The following NODAL variants were observed in gnomAD, a reference collection of about 807,000 sequenced individuals.
NODAL encodes the protein nodal homolog.
NODAL carries 12 observed loss-of-function variants against 34.0 expected under a neutral mutation model. The observed-to-expected ratio is 0.35, with a 90% CI of 0.23 to 0.57. NODAL has a LOEUF of 0.57. NODAL is among the 20% of genes least tolerant of loss of function. The probability of loss-of-function intolerance (pLI) is 0.83; values close to 1 mark genes in which losing one functional copy is unlikely to be tolerated. For missense variants in NODAL, 390 were observed against 444.2 expected, an observed-to-expected ratio of 0.88 and a Z score of 1.10; for synonymous variants, 162 against 186.4, an observed-to-expected ratio of 0.87 and a Z score of 1.07.
At chr10:70,439,516 C>T (rs1845400796) in intron 1 of NODAL, among the ~76,000 whole-genome samples, 1 of 152,200 alleles carries the variant, frequency 6.6e-6, no homozygotes, top group Non-Finnish European at 1.5e-5. Context: ...CCTCACTGTT[C>T]CTCTCATCTC....
intron 1 of NODAL, among the ~76,000 whole-genome samples, chr10:70,439,044 G>C (rs1371962155): frequency 6.6e-6 from 1 of 152,000 alleles, no homozygotes; most frequent in Non-Finnish European, 1.5e-5. Flanking sequence ...CTCGCTCTGT[G>C]GCCAGGCTCG....
At chr10:70,441,097 C>T (rs1319309052) in intron 1 of NODAL, among the ~76,000 whole-genome samples, 2 of 152,276 alleles carry the variant, frequency 1.3e-5, no homozygotes, top group African/African-American at 4.8e-5. Context: ...ACCTATCCTA[C>T]AGATGCGCAG....
At chr10:70,444,983 C>T (rs145039563), upstream of NODAL, among the ~76,000 whole-genome samples, 54 of 152,148 alleles carry the variant, frequency 3.5e-4, no homozygotes, top group African/African-American at 1.3e-3. Context: ...GTGGTTTGTG[C>T]TGTGGGAGCC....
chr10:70,436,191 G>T, intron 1 of NODAL: 1 of 603,196 alleles, frequency 1.7e-6, no homozygotes, highest in Non-Finnish European at 3.0e-6. Flanking sequence ...TAAAAGATCT[G>T]ACCAAGGTGT....
At chr10:70,438,311 T>A (rs1424879278) in intron 1 of NODAL, among the ~76,000 whole-genome samples, 1 of 151,944 alleles carries the variant, frequency 6.6e-6, no homozygotes. Flanking sequence ...AAGAAAAACT[T>A]TATCTCAACT....
At position 70,435,441 on chromosome 10, in the gene NODAL, G is replaced by C. The variant is rs1171996140; in HGVS notation, c.736C>G (p.Leu246Val). Residue 246 changes from leucine to valine, a missense_variant, in exon 2 of 3, where the codon CTG becomes GTG. Physicochemically the swap from Leu to Val is conservative, Grantham distance 32 (BLOSUM62 1). Coordinates refer to ENST00000287139, the MANE Select transcript of NODAL (RefSeq NM_018055.5). ...RRHHLPDRSQ[L>V]CRKVKFQVDF... Reference sequence around the variant, plus strand: ...ACCTGGAACTTGACCTTCCGACACAGTTGACTTCTGTCTGGCAAGTGATGT... The same window carrying C: ...ACCTGGAACTTGACCTTCCGACACACTTGACTTCTGTCTGGCAAGTGATGT... 5.0e-6 allele frequency: 8 copies of C among 1,614,196 alleles called. No individual in the cohort carries two copies. Among genetic ancestry groups the C allele is most frequent in the Non-Finnish European group, 6.8e-6 (8 of 1,180,038 alleles).
chr10:70,447,075 C>CTTT lies in NODAL; in HGVS notation c.28+846_28+848dup, dbSNP rs752664373. Among the ~76,000 whole-genome samples, 74 of 134,732 alleles carry CTTT rather than the reference C, an allele frequency of 5.5e-4. 3 individuals are homozygous for CTTT. The highest frequency in any genetic ancestry group is 1.8e-3 in the African/African-American group (65 of 35,688). 88.4% of individuals were successfully genotyped at this position (134,732 alleles called of 152,430 possible). Reference sequence around the variant, plus strand: ...AATTTAGCAGAGCCCTCTTCTTCTTCTTTTTTTTTTTTTTTTTGAGATGGA... The same window carrying CTTT: ...AATTTAGCAGAGCCCTCTTCTTCTTCTTTTTTTTTTTTTTTTTTTTGAGATGGA... On this transcript the variant is annotated intron_variant, in intron 1 of 2. Coordinates refer to the NODAL transcript ENST00000414871.
chr10:70,438,626 C>T (rs1845385808), intron 1 of NODAL, among the ~76,000 whole-genome samples: 1 of 152,194 alleles, frequency 6.6e-6, no homozygotes, highest in Non-Finnish European at 1.5e-5. Context: ...GGTGTCCGGA[C>T]AGGCCACAAG....
chr10:70,439,433 T>C (rs1196374827), intron 1 of NODAL, among the ~76,000 whole-genome samples: 2 of 152,212 alleles, frequency 1.3e-5, no homozygotes, highest in Admixed American at 6.5e-5. Flanking sequence ...CTCTACATTT[T>C]CATAAATTAT....
chr10:70,440,002 G>A (rs1033975000), intron 1 of NODAL, among the ~76,000 whole-genome samples: 4 of 152,250 alleles, frequency 2.6e-5, no homozygotes, highest in African/African-American at 4.8e-5. Flanking sequence ...AACCTGGGAG[G>A]CGGAGGTTGC....
chr10:70,435,037 G>A, intron 2 of NODAL: 1 of 516,752 alleles, frequency 1.9e-6, no homozygotes, highest in East Asian at 3.4e-5. Context: ...TTTTATGAAA[G>A]ACAAGGATAA....
upstream of NODAL, among the ~76,000 whole-genome samples, chr10:70,444,769 A>G (rs1036584540): frequency 5.3e-5 from 8 of 152,200 alleles, no homozygotes; most frequent in East Asian, 1.5e-3. Flanking sequence ...AAACGAAATG[A>G]ATGTAAAAAT....
chr10:70,438,680 G>A lies in NODAL; in HGVS notation c.194-2697C>T, dbSNP rs115579497. Among the ~76,000 whole-genome samples the A allele has an allele frequency of 7.0e-3, 1,063 of 152,318 alleles. 13 individuals are homozygous for A. The highest frequency in any genetic ancestry group is 0.024 in the African/African-American group (1,007 of 41,562). ...AAGTTTCCTATGAACAGGATGGGCA[G>A]TGGGAAAGGCTGGGTAGGGAAGAGG... On this transcript the variant is annotated intron_variant, in intron 1 of 2. Transcript: ENST00000287139.
intron 1 of NODAL, among the ~76,000 whole-genome samples, chr10:70,447,209 T>C (rs1845497885): frequency 6.6e-6 from 1 of 151,884 alleles, no homozygotes; most frequent in Non-Finnish European, 1.5e-5. Flanking sequence ...GAGTAGCTGA[T>C]ATTACAGGTG....
At position 70,432,388 on chromosome 10, in the gene NODAL, G is replaced by A. The variant is rs547043123; in HGVS notation, c.*548C>T. The stretch of plus-strand genomic sequence containing the variant: ...TCCAGTGAGCCTCTGGACAAGGCCA[G>A]TAGATTGCCACTGGCCAGCCAGAAA... On this transcript the variant is annotated 3_prime_UTR_variant, in exon 3 of 3. Coordinates refer to ENST00000287139, the MANE Select transcript of NODAL (RefSeq NM_018055.5). 5.3e-6 allele frequency: 1 copy of A among 188,286 alleles called. No homozygotes were observed. The highest frequency in any genetic ancestry group is 5.3e-5 in the Admixed American group (1 of 18,832). The allele number at this position is 188,286 out of a possible 1,614,324, so 11.7% of individuals were successfully genotyped here. A position where few individuals can be genotyped will look rare whatever the true frequency, so the allele number is the denominator to read the frequency against.
intron 1 of NODAL, among the ~76,000 whole-genome samples, chr10:70,440,057 G>A (rs778549633): frequency 2.0e-5 from 3 of 152,234 alleles, no homozygotes; most frequent in Non-Finnish European, 4.4e-5. Flanking sequence ...GGGCAACAGA[G>A]GGAGACTCTG....
upstream of NODAL, among the ~76,000 whole-genome samples, chr10:70,444,170 C>T (rs548297895): frequency 1.3e-5 from 2 of 152,064 alleles, no homozygotes; most frequent in Admixed American, 6.6e-5. Flanking sequence ...TGACCTCAGG[C>T]GATCCACCCG....
intron 1 of NODAL, among the ~76,000 whole-genome samples, chr10:70,440,707 T>C (rs1399424085): frequency 6.6e-6 from 1 of 152,144 alleles, no homozygotes; most frequent in Non-Finnish European, 1.5e-5. Flanking sequence ...TACCCTCAGA[T>C]CCCTGCCGTC....
chr10:70,442,294 C>T (rs1845441356), upstream of NODAL, among the ~76,000 whole-genome samples: 1 of 152,248 alleles, frequency 6.6e-6, no homozygotes, highest in South Asian at 2.1e-4. Flanking sequence ...GAGTGTTCAG[C>T]AGAAGCTGGA....
Sources: allele counts gnomAD v4.1 joint callset (sites outside exome capture counted in the v4.1 genomes callset), GRCh38; gene constraint gnomAD v4.1.1; transcripts MANE v1.5; gene names NCBI Gene and HGNC (gene_info 2026-07-23, HGNC 2026-07-21).